The following WDR81 variants were observed in gnomAD, a reference collection of about 807,000 sequenced individuals.
WDR81 encodes WD repeat-containing protein 81.
A neutral mutation model predicts 140.8 loss-of-function variants in WDR81; 92 were observed. The ratio of observed to expected loss-of-function variants is 0.65; its 90% CI spans 0.55 to 0.78. WDR81 has a LOEUF of 0.78. Ranked by LOEUF, WDR81 falls within the 30% of genes least tolerant of loss-of-function variation. The pLI, the probability that WDR81 is intolerant of heterozygous loss-of-function variation, is 0.00. For missense variants in WDR81, 2,502 were observed against 2,636.4 expected (o/e 0.95, Z 1.12); for synonymous variants, 1,183 against 1,156.4 (o/e 1.02, Z -0.47).
At position 1,734,047 on chromosome 17, in the gene WDR81, T is replaced by C. The variant is rs756200309; in HGVS notation, c.5010T>C (p.Arg1670=). ...EDFFLSGSKD[R]TVRLWPLYNY... is the part of the protein sequence containing the mutation. ...TCTTCCTGAGCGGCAGCAAGGATCG[T>C]ACCGTGCGCCTCTGGCCGCTGTACA... Residue 1670 remains arginine (R), a synonymous_variant, in exon 7 of 10, where the codon CGT becomes CGC. Transcript: ENST00000409644. 1 of 1,609,528 alleles carries C rather than the reference T, an allele frequency of 6.2e-7. No homozygotes were observed. Among genetic ancestry groups the C allele is most frequent in the Non-Finnish European group, 8.5e-7 (1 of 1,179,960 alleles).
upstream of WDR81, among the ~76,000 whole-genome samples, chr17:1,721,047 G>GC (rs1914836876): frequency 6.6e-6 from 1 of 152,188 alleles, no homozygotes; most frequent in Non-Finnish European, 1.5e-5. Context: ...ACTGAGACCA[G>GC]CGCAAAGAAC....
intron 1 of WDR81, among the ~76,000 whole-genome samples, chr17:1,729,990 CAA>C (rs71375529): frequency 7.3e-5 from 5 of 68,930 alleles, no homozygotes; most frequent in Admixed American, 1.5e-4. Context: ...GACTCTGTCT[CAA>C]AAAAAAAAAA....
chr17:1,725,274 G>A lies in WDR81; in HGVS notation c.315G>A (p.Val105=), dbSNP rs984076214. Residue 105 remains valine (V), a synonymous_variant, in exon 1 of 10, where the codon GTG becomes GTA. Transcript: ENST00000409644. The stretch of plus-strand genomic sequence containing the variant: ...GGCTGCCTGCCGGCTGGACGCGCGT[G>A]GAGGTGCATGGGCTGCGGAAGCGGA... The part of the protein sequence containing the change: ...VQRLPAGWTR[V]EVHGLRKRRL... The A allele has an allele frequency of 1.9e-6, 3 of 1,545,924 alleles. No individual in the cohort carries two copies. The highest frequency in any genetic ancestry group is 2.6e-6 in the Non-Finnish European group (3 of 1,146,948).
At chr17:1,724,573 C>T (rs1216117353), upstream of WDR81, 3 of 990,454 alleles carry the variant, frequency 3.0e-6, no homozygotes, top group Admixed American at 6.1e-5. Flanking sequence ...GGAAGCGGAG[C>T]CCAGACCGAG....
chr17:1,725,666 C>G lies in WDR81; in HGVS notation c.707C>G (p.Pro236Arg). The G allele has an allele frequency of 6.5e-7, 1 of 1,547,704 alleles. No homozygotes were observed. The highest frequency in any genetic ancestry group is 8.7e-7 in the Non-Finnish European group (1 of 1,146,996). ...CCGGAGATGCTGTATGTGGTACACCCTTACGTACAGTTCTCCCTACATGAC... is the reference window on the plus strand; with the variant it reads ...CCGGAGATGCTGTATGTGGTACACCGTTACGTACAGTTCTCCCTACATGAC... ...ESPEMLYVVH[P>R]YVQFSLHDVV... The change falls in exon 1 of 10, where the codon CCT becomes CGT. Residue 236 changes from proline to arginine, a missense_variant. Around this residue, in one of 3 missense-constraint regions of WDR81, gnomAD observed 547 missense variants for 513.8 expected, o/e 1.06. Transcript: ENST00000409644.
Position 1,732,802 on chromosome 17 carries a change from C to T in WDR81, c.4460C>T (p.Thr1487Ile). The change falls in exon 6 of 10, where the codon ACA (threonine) becomes ATA (isoleucine). Residue 1487 changes from threonine to isoleucine, a missense_variant. Physicochemically the swap from Thr to Ile is moderately conservative, Grantham distance 89 (BLOSUM62 -1). Transcript: ENST00000409644. ...QKVFTLEMAYTIYVPFSCLLG... is the reference protein window; with the variant it reads ...QKVFTLEMAYIIYVPFSCLLG... ...GTGTTCACCCTGGAGATGGCATACACAATCTACGTGCCCTTCTCCTGCCTG... is the reference window on the plus strand; with the variant it reads ...GTGTTCACCCTGGAGATGGCATACATAATCTACGTGCCCTTCTCCTGCCTG... The T allele has an allele frequency of 1.2e-6, 2 of 1,612,420 alleles. No homozygotes were observed. Among genetic ancestry groups the T allele is most frequent in the Non-Finnish European group, 8.5e-7 (1 of 1,179,518 alleles).
At position 1,735,613 on chromosome 17, in the gene WDR81, C is replaced by T. The variant is rs376674433; in HGVS notation, c.5221C>T (p.Pro1741Ser). 1 of 1,612,718 alleles carries T rather than the reference C, an allele frequency of 6.2e-7. No individual in the cohort carries two copies. Among genetic ancestry groups the T allele is most frequent in the Non-Finnish European group, 8.5e-7 (1 of 1,179,914 alleles). Residue 1741 changes from proline (P) to serine (S), a missense_variant, in exon 8 of 10, where the codon CCC becomes TCC. Pro to Ser is a moderately conservative substitution (Grantham distance 74). Coordinates refer to ENST00000409644, the MANE Select transcript of WDR81 (RefSeq NM_001163809.2). The surrounding 1 kb of genome is among the most constrained non-coding windows in gnomAD (Gnocchi z 4.2). ...AGTGGAGCCGCTGGACAGCCGGGTGCCCCTGACTGCGGTGGCTGTCATGCC... is the reference window on the plus strand; with the variant it reads ...AGTGGAGCCGCTGGACAGCCGGGTGTCCCTGACTGCGGTGGCTGTCATGCC... The part of the protein sequence containing the change: ...RTVEPLDSRV[P>S]LTAVAVMPAP...
rs757458163 is a variant in WDR81, at chr17:1,736,087, C to G, written c.5374C>G (p.Leu1792Val). 1.9e-6 allele frequency: 3 copies of G among 1,602,020 alleles called. No homozygotes were observed. In the East Asian group the frequency reaches 6.7e-5, roughly 36 times the overall value. ...GGLNPGLVRA[L>V]AISPSGRSVV... is the part of the protein sequence containing the mutation. The stretch of plus-strand genomic sequence containing the variant: ...GCTGAACCCTGGGCTTGTCCGTGCC[C>G]TGGCCATCAGCCCCAGTGGCCGTAG... Residue 1792 changes from leucine to valine, a missense_variant, in exon 9 of 10, where the codon CTG becomes GTG. Physicochemically the swap from Leu to Val is conservative, Grantham distance 32 (BLOSUM62 1). Coordinates refer to ENST00000409644, the MANE Select transcript of WDR81 (RefSeq NM_001163809.2).
At chr17:1,733,078 G>A in intron 6 of WDR81, 1 of 524,452 alleles carries the variant, frequency 1.9e-6, no homozygotes, top group Non-Finnish European at 3.3e-6. Flanking sequence ...GAGAGTCAGG[G>A]AGGTGGACTG....
intron 1 of WDR81, among the ~76,000 whole-genome samples, chr17:1,729,998 A>G (rs1473090904): frequency 7.4e-6 from 1 of 134,540 alleles, no homozygotes; most frequent in Non-Finnish European, 1.6e-5. Context: ...CTCAAAAAAA[A>G]AAAAAAAGAA....
Position 1,731,157 on chromosome 17 carries a change from C to T in WDR81, c.4056C>T (p.Ile1352=). 6.2e-7 allele frequency: 1 copy of T among 1,613,492 alleles called. No homozygotes were observed. Among genetic ancestry groups the T allele is most frequent in the Non-Finnish European group, 8.5e-7 (1 of 1,180,024 alleles). Residue 1352 remains isoleucine, a synonymous_variant, in exon 4 of 10, where the codon ATC becomes ATT. Transcript: ENST00000409644. ...LLAAVTLTQK[I]IVYLSDTTLM... ...CCGCGGTGACGCTGACTCAGAAGATCATCGTGTACCTCTCAGACACCACAC... is the reference window on the plus strand; with the variant it reads ...CCGCGGTGACGCTGACTCAGAAGATTATCGTGTACCTCTCAGACACCACAC...
chr17:1,733,004 G>C (rs1273721196), intron 6 of WDR81, 173 bp downstream of exon 6: 1 of 771,404 alleles, frequency 1.3e-6, no homozygotes, highest in Non-Finnish European at 2.0e-6. Flanking sequence ...ACACAAACAA[G>C]GACTGAGCAG....
chr17:1,726,518 C>G lies in WDR81; in HGVS notation c.1559C>G (p.Ser520Cys). Reference sequence around the variant, plus strand: ...CTGGATGTGCCAGCCTGGTGCAGCTCCAGCCAGGAGTTCGTAGCTGCCCAC... The same window carrying G: ...CTGGATGTGCCAGCCTGGTGCAGCTGCAGCCAGGAGTTCGTAGCTGCCCAC... ...PDLDVPAWCS[S>C]SQEFVAAHRA... The change falls in exon 1 of 10, where the codon TCC (serine) becomes TGC (cysteine). Residue 520 changes from serine (S) to cysteine (C), a missense_variant. Coordinates refer to ENST00000409644, the MANE Select transcript of WDR81 (RefSeq NM_001163809.2). 1 of 1,550,450 alleles carries G rather than the reference C, an allele frequency of 6.4e-7. No individual in the cohort carries two copies. The highest frequency in any genetic ancestry group is 1.4e-5 in the African/African-American group (1 of 73,158).
At position 1,725,583 on chromosome 17, in the gene WDR81, C is replaced by G. The variant is rs1285784806; in HGVS notation, c.624C>G (p.Pro208=). The change falls in exon 1 of 10, where the codon CCC becomes CCG. Residue 208 remains proline, a synonymous_variant. Coordinates refer to ENST00000409644, the MANE Select transcript of WDR81 (RefSeq NM_001163809.2). ...CPSYAREGPC[P]PRGSPACPSL... ...CATATGCCAGAGAAGGCCCCTGCCCCCCTCGGGGCAGCCCTGCTTGCCCTA... is the reference window on the plus strand; with the variant it reads ...CATATGCCAGAGAAGGCCCCTGCCCGCCTCGGGGCAGCCCTGCTTGCCCTA... 3.2e-6 allele frequency: 5 copies of G among 1,545,230 alleles called. No individual in the cohort carries two copies. Among genetic ancestry groups the G allele is most frequent in the East Asian group, 4.9e-5 (2 of 40,922 alleles).
intron 1 of WDR81, chr17:1,716,767 C>A (rs1209878587): frequency 4.0e-6 from 4 of 997,492 alleles, no homozygotes; most frequent in African/African-American, 3.2e-5. Flanking sequence ...CTCTGCGGGA[C>A]GCTATAGCTC....
rs1915269839 is a variant in WDR81, at chr17:1,726,364, G to A, written c.1405G>A (p.Ala469Thr). 1.3e-6 allele frequency: 2 copies of A among 1,549,126 alleles called. No homozygotes were observed. Among genetic ancestry groups the A allele is most frequent in the South Asian group, 1.2e-5 (1 of 83,930 alleles). ...GTCGGTGCTCTGCGGACACGTCCGCGCGCAGTGGGAGCCCCATGAGTATCC... is the reference window on the plus strand; with the variant it reads ...GTCGGTGCTCTGCGGACACGTCCGCACGCAGTGGGAGCCCCATGAGTATCC... ...PRSVLCGHVR[A>T]QWEPHEYPAS... Residue 469 changes from alanine (A) to threonine (T), a missense_variant, in exon 1 of 10, where the codon GCG becomes ACG. By Grantham distance (58) the Ala-to-Thr change is moderately conservative. Transcript: ENST00000409644.
chr17:1,724,076 C>T (rs1167820060), upstream of WDR81, among the ~76,000 whole-genome samples: 1 of 152,084 alleles, frequency 6.6e-6, no homozygotes. Context: ...TCAAAAGTCC[C>T]AGTTCTGGCC....
chr17:1,731,057 G>C lies in WDR81; in HGVS notation c.3967-11G>C, dbSNP rs755486492. The C allele has an allele frequency of 6.2e-7, 1 of 1,610,620 alleles. No homozygotes were observed. Among genetic ancestry groups the C allele is most frequent in the Non-Finnish European group, 8.5e-7 (1 of 1,178,852 alleles). On this transcript the variant is annotated splice_polypyrimidine_tract_variant and intron_variant, in intron 3 of 9. Coordinates refer to ENST00000409644, the MANE Select transcript of WDR81 (RefSeq NM_001163809.2). ...GGGGCTGCCCGGCCCTCATCTGCTC[G>C]GTGGCTCTAGGTGGCCCCAGGGAGT...
At chr17:1,734,296 G>T in intron 7 of WDR81, 80 bp downstream of exon 7, 1 of 1,436,106 alleles carries the variant, frequency 7.0e-7, no homozygotes, top group Non-Finnish European at 9.1e-7. Flanking sequence ...CCGAGGGTGG[G>T]GCTGTAATGC....
Sources: gnomAD v4.1 joint callset for allele counts (sites outside exome capture counted in the v4.1 genomes callset) on GRCh38, gnomAD v4.1.1 for gene constraint, gnomAD v4.1.1 regional missense constraint, Gnocchi (gnomAD v3.1) non-coding constraint, MANE v1.5 for transcripts, NCBI Gene and HGNC (gene_info 2026-07-23, HGNC 2026-07-21) for gene names.